Variants in RPS6KA2 observed in about 807,000 individuals in gnomAD.
RPS6KA2 encodes ribosomal protein S6 kinase alpha-2.
RPS6KA2 carries 42 observed loss-of-function variants against 91.8 expected under a neutral mutation model. That is an observed-to-expected ratio of 0.46 (90% CI 0.36 to 0.59). The LOEUF (loss-of-function observed/expected upper bound fraction) is 0.59. Ranked by LOEUF, RPS6KA2 falls within the 20% of genes least tolerant of loss-of-function variation. RPS6KA2 has a pLI of 0.00. For missense variants in RPS6KA2, 798 were observed against 978.5 expected, an observed-to-expected ratio of 0.82 and a Z score of 2.46; for synonymous variants, 414 against 393.6, an observed-to-expected ratio of 1.05 and a Z score of -0.61.
At chr6:166,608,171 G>A (rs1168054314) in intron 1 of RPS6KA2, among the ~76,000 whole-genome samples, 1 of 152,150 alleles carries the variant, frequency 6.6e-6, no homozygotes, top group Non-Finnish European at 1.5e-5. Flanking sequence ...CTCCCAGGAG[G>A]CAATGGCTTA....
chr6:166,634,254 G>T (rs1324333098), intron 2 of RPS6KA2, among the ~76,000 whole-genome samples: 2 of 152,180 alleles, frequency 1.3e-5, no homozygotes, highest in Non-Finnish European at 2.9e-5. Flanking sequence ...AGAGCAAACC[G>T]CAGTGGCCAC....
rs537535434 is a variant in RPS6KA2, at chr6:166,833,897, C to CT, written c.123+24302dup. On this transcript the variant is annotated intron_variant, in intron 2 of 21. Transcript: ENST00000503859. ...AATTCCTTTTCTTCTTTCTTTCTTT[C>CT]TTTTTTTTTCTTTTTTTACAGGGTT... Among the ~76,000 whole-genome samples the CT allele has an allele frequency of 9.1e-3, 1,372 of 150,620 alleles. 13 individuals carry two copies. Among genetic ancestry groups the CT allele is most frequent in the African/African-American group, 0.031 (1,284 of 40,988 alleles).
rs532199915 is a variant in RPS6KA2 at position 166,711,274 on chromosome 6, C to T, written c.123+146926G>A. ...GCCCCCACTTCCTAGGTTGGAGTCA[C>T]GTGAGACCCAGTCTGTTAAAACAGA... On this transcript the variant is annotated intron_variant, in intron 2 of 21. Transcript: ENST00000503859. 1.5e-4 allele frequency among the ~76,000 whole-genome samples: 12 copies of T among 77,866 alleles called. No individual in the cohort carries two copies. In the South Asian group the frequency reaches 5.4e-3, roughly 35 times the overall value. 51.1% of individuals were successfully genotyped at this position (77,866 alleles called of 152,430 possible). A position where few individuals can be genotyped will look rare whatever the true frequency, so the allele number is the denominator to read the frequency against.
intron 2 of RPS6KA2, among the ~76,000 whole-genome samples, chr6:166,723,220 G>T (rs1790229813): frequency 6.6e-6 from 1 of 152,242 alleles, no homozygotes; most frequent in African/African-American, 2.4e-5. Context: ...TCCTGGCTCA[G>T]TGCCCAGCCT....
chr6:166,557,863 C>G lies in RPS6KA2; in HGVS notation c.100-19079G>C, dbSNP rs929195496. 6.6e-6 allele frequency among the ~76,000 whole-genome samples: 1 copy of G among 152,064 alleles called. No homozygotes were observed. Among genetic ancestry groups the G allele is most frequent in the Non-Finnish European group, 1.5e-5 (1 of 68,028 alleles). ...CCCAGTTCACCATCCAAATAGAAAGCCTGTTACACCAGTGTATGTCAGGGT... is the reference window on the plus strand; with the variant it reads ...CCCAGTTCACCATCCAAATAGAAAGGCTGTTACACCAGTGTATGTCAGGGT... On this transcript the variant is annotated intron_variant, in intron 1 of 20. Coordinates refer to ENST00000265678, the MANE Select transcript of RPS6KA2 (RefSeq NM_021135.6). This position sits in a 1 kb window ranked among gnomAD's most constrained non-coding sequence, Gnocchi z 4.8.
At chr6:166,562,171 C>A (rs1372233077) in intron 1 of RPS6KA2, among the ~76,000 whole-genome samples, 1 of 151,978 alleles carries the variant, frequency 6.6e-6, no homozygotes, top group Non-Finnish European at 1.5e-5. Flanking sequence ...GATTTCAAAG[C>A]AAAATCCACC....
rs1355878977 is a variant in RPS6KA2, at chr6:166,664,565, C to T, written c.124-125781G>A. The stretch of plus-strand genomic sequence containing the variant: ...TCTACACACTCACACTTGTATTCTG[C>T]TTCTGTGTGTTTACATGTTGTTTCT... On this transcript the variant is annotated intron_variant, in intron 2 of 21. Coordinates refer to the RPS6KA2 transcript ENST00000503859. Among the ~76,000 whole-genome samples the T allele has an allele frequency of 2.6e-5, 4 of 152,192 alleles. No homozygotes were observed. In the East Asian group the frequency reaches 5.8e-4, roughly 22 times the overall value.
At chr6:166,499,002 G>A (rs541339367) in intron 7 of RPS6KA2, among the ~76,000 whole-genome samples, 91 of 152,322 alleles carry the variant, frequency 6.0e-4, no homozygotes, top group Middle Eastern at 3.4e-3. Flanking sequence ...AGGGCAGAGG[G>A]ACCTGGGGTG....
chr6:166,802,722 C>A (rs1039697477), intron 2 of RPS6KA2, among the ~76,000 whole-genome samples: 1 of 152,134 alleles, frequency 6.6e-6, no homozygotes, highest in Non-Finnish European at 1.5e-5. Context: ...CATGACTCAG[C>A]CAATTCCTCG....
Position 166,498,150 on chromosome 6 carries a change from T to C in RPS6KA2, c.747+358A>G, listed in dbSNP as rs1348607910. Among the ~76,000 whole-genome samples the C allele has an allele frequency of 2.0e-5, 3 of 152,200 alleles. 1 individual carries two copies. The highest frequency in any genetic ancestry group is 4.8e-5 in the African/African-American group (2 of 41,458). ...TGCCTAACTCCGTGTACATCTCAGT[T>C]TGTAACTAAGCGCAAGGATTCTGTG... On this transcript the variant is annotated intron_variant, in intron 8 of 20. Coordinates refer to ENST00000265678, the MANE Select transcript of RPS6KA2 (RefSeq NM_021135.6).
chr6:166,757,452 A>G (rs1283108878), intron 2 of RPS6KA2: 1 of 453,368 alleles, frequency 2.2e-6, no homozygotes, highest in Non-Finnish European at 4.4e-6. Context: ...GCTCTGTCAC[A>G]CCCGTGATTT....
At chr6:166,804,475 A>G (rs748777132) in intron 2 of RPS6KA2, among the ~76,000 whole-genome samples, 2 of 151,792 alleles carry the variant, frequency 1.3e-5, no homozygotes, top group Non-Finnish European at 2.9e-5. Context: ...GATCTGTGCA[A>G]CTAGACTAAC....
In RPS6KA2 at chr6:166,825,585, G is replaced by A. The variant is rs1461213512; in HGVS notation, c.123+32615C>T. On this transcript the variant is annotated intron_variant, in intron 2 of 21. Transcript: ENST00000503859. This position sits in a 1 kb window ranked among gnomAD's most constrained non-coding sequence, Gnocchi z 4.1. The stretch of plus-strand genomic sequence containing the variant: ...GTGGCTTTTAAACAACAGAAATGTA[G>A]TGGTCCCAGGTCTGGAGGCTGGAAG... Among the ~76,000 whole-genome samples the A allele has an allele frequency of 6.6e-6, 1 of 152,148 alleles. No homozygotes were observed. Among genetic ancestry groups the A allele is most frequent in the Non-Finnish European group, 1.5e-5 (1 of 68,030 alleles).
chr6:166,530,755 T>A (rs1783244595), intron 3 of RPS6KA2, among the ~76,000 whole-genome samples: 1 of 152,240 alleles, frequency 6.6e-6, no homozygotes, highest in African/African-American at 2.4e-5. Context: ...GGCTCATCCC[T>A]CACTTGCAGG....
chr6:166,524,811 G>A (rs1562555682), intron 3 of RPS6KA2, among the ~76,000 whole-genome samples: 1 of 152,230 alleles, frequency 6.6e-6, no homozygotes, highest in African/African-American at 2.4e-5. Context: ...ACTGAGGCCA[G>A]GAGAGGCACC....
At chr6:166,842,662 G>A (rs1780514057) in intron 2 of RPS6KA2, among the ~76,000 whole-genome samples, 1 of 152,214 alleles carries the variant, frequency 6.6e-6, no homozygotes, top group Non-Finnish European at 1.5e-5. Flanking sequence ...TCTTCTGTGA[G>A]CATCACGTCC....
chr6:166,559,025 T>G (rs1784261580), intron 1 of RPS6KA2, among the ~76,000 whole-genome samples: 1 of 152,210 alleles, frequency 6.6e-6, no homozygotes, highest in Non-Finnish European at 1.5e-5. Context: ...TTTTGCCATT[T>G]AAAATAAAGG....
At chr6:166,826,591 G>A (rs563373019) in intron 2 of RPS6KA2, among the ~76,000 whole-genome samples, 25 of 152,230 alleles carry the variant, frequency 1.6e-4, no homozygotes, top group Non-Finnish European at 3.5e-4. Context: ...TTGCCAGAAA[G>A]ATGCGCTTTT....
intron 6 of RPS6KA2, among the ~76,000 whole-genome samples, chr6:166,503,929 G>T (rs776476295): frequency 6.6e-6 from 1 of 152,178 alleles, no homozygotes; most frequent in Non-Finnish European, 1.5e-5. Context: ...AGAATTCTGG[G>T]GCCGTTGTCT....
Sources: allele counts gnomAD v4.1 joint callset (sites outside exome capture counted in the v4.1 genomes callset), GRCh38; gene constraint gnomAD v4.1.1; non-coding constraint Gnocchi (gnomAD v3.1); transcripts MANE v1.5; gene names NCBI Gene and HGNC (gene_info 2026-07-23, HGNC 2026-07-21).